ARID5B: variants seen among roughly 807,000 people sequenced by gnomAD.
ARID5B encodes the protein AT-rich interaction domain 5B.
Under a neutral mutation model 97.2 loss-of-function variants are expected in ARID5B, and 13 were observed. The ratio of observed to expected loss-of-function variants is 0.13; its 90% CI spans 0.09 to 0.21. The LOEUF (loss-of-function observed/expected upper bound fraction) is 0.21. ARID5B is among the 10% of genes least tolerant of loss of function. The probability of loss-of-function intolerance (pLI) is 1.00; values close to 1 mark genes in which losing one functional copy is unlikely to be tolerated. For synonymous variants in ARID5B, 556 were observed against 570.3 expected, an observed-to-expected ratio of 0.97 and a Z score of 0.36; for missense variants, 1,210 against 1,465.3, an observed-to-expected ratio of 0.83 and a Z score of 2.84.
chr10:62,077,044 G>A (rs1334559767), intron 8 of ARID5B, among the ~76,000 whole-genome samples: 2 of 151,942 alleles, frequency 1.3e-5, no homozygotes, highest in Non-Finnish European at 2.9e-5. Context: ...GAGTTAGGCT[G>A]ACTGAGGTTG....
chr10:62,027,963 G>T (rs527841643), intron 4 of ARID5B, among the ~76,000 whole-genome samples: 1 of 152,226 alleles, frequency 6.6e-6, no homozygotes, highest in East Asian at 1.9e-4. Context: ...CTTTATGGGA[G>T]GAAGGAGAAA....
At chr10:62,015,609 G>A (rs763246930) in intron 4 of ARID5B, among the ~76,000 whole-genome samples, 6 of 152,042 alleles carry the variant, frequency 3.9e-5, no homozygotes, top group Non-Finnish European at 8.8e-5. Flanking sequence ...TCTGAACGGT[G>A]TGAGGTTTTT....
At chr10:62,064,128 T>C (rs1279529584) in intron 7 of ARID5B, among the ~76,000 whole-genome samples, 1 of 152,244 alleles carries the variant, frequency 6.6e-6, no homozygotes, top group Non-Finnish European at 1.5e-5. Flanking sequence ...CTTTCCTTGC[T>C]GAAAGGATTA....
In ARID5B at chr10:62,062,082, C is replaced by T. The variant is rs1166798819; in HGVS notation, c.1101+2787C>T. ...TAAGCTTCTGAACCTCCTATAAGTA[C>T]AGAATACATTTTTCTCTTGGCATAT... is the stretch of plus-strand genomic sequence containing the variant. On this transcript the variant is annotated intron_variant, in intron 7 of 9. Transcript: ENST00000279873. Among the ~76,000 whole-genome samples, 4 of 152,262 alleles carry T rather than the reference C, an allele frequency of 2.6e-5. No homozygotes were observed. In the East Asian group the frequency reaches 7.7e-4, roughly 29 times the overall value.
intron 3 of ARID5B, among the ~76,000 whole-genome samples, chr10:61,965,170 C>G (rs1269634202): frequency 6.6e-6 from 1 of 152,140 alleles, no homozygotes. Flanking sequence ...TTAGCTGTTA[C>G]AGTCCAAAGG....
At chr10:61,947,075 T>C (rs2132806191) in intron 3 of ARID5B, among the ~76,000 whole-genome samples, 1 of 152,268 alleles carries the variant, frequency 6.6e-6, no homozygotes, top group Non-Finnish European at 1.5e-5. Flanking sequence ...CGTTAAAGAA[T>C]TTTATCATAG....
chr10:61,921,952 C>T (rs1844023047), intron 2 of ARID5B, among the ~76,000 whole-genome samples: 1 of 152,174 alleles, frequency 6.6e-6, no homozygotes, highest in Admixed American at 6.5e-5. Flanking sequence ...AGCGATCCTC[C>T]CACCTCAGCC....
intron 2 of ARID5B, among the ~76,000 whole-genome samples, chr10:61,929,131 A>T (rs1397745244): frequency 6.6e-6 from 1 of 152,152 alleles, no homozygotes; most frequent in Non-Finnish European, 1.5e-5. Flanking sequence ...TTCATTTTTA[A>T]TTTCTATCTT....
At chr10:61,904,444 A>G (rs192161373) in intron 2 of ARID5B, among the ~76,000 whole-genome samples, 1 of 152,328 alleles carries the variant, frequency 6.6e-6, no homozygotes, top group East Asian at 1.9e-4. Flanking sequence ...GTGAATAGAT[A>G]TATTTTTAAA....
At chr10:62,027,145 C>T (rs1344524005) in intron 4 of ARID5B, among the ~76,000 whole-genome samples, 2 of 152,018 alleles carry the variant, frequency 1.3e-5, no homozygotes, top group Non-Finnish European at 2.9e-5. Context: ...CTTTCTTCCT[C>T]CATCTCTCCT....
intron 5 of ARID5B, among the ~76,000 whole-genome samples, chr10:62,054,070 T>C (rs943940841): frequency 2.0e-5 from 3 of 152,192 alleles, no homozygotes. Flanking sequence ...TGGTGGATCA[T>C]TGAAAACGTT....
chr10:61,930,623 G>A (rs1589223507), intron 2 of ARID5B, among the ~76,000 whole-genome samples: 1 of 152,060 alleles, frequency 6.6e-6, no homozygotes, highest in South Asian at 2.1e-4. Context: ...GGGAGGCTGA[G>A]GCAGGAGAAT....
intron 9 of ARID5B, 40 bp downstream of exon 9, chr10:62,085,940 T>C: frequency 6.3e-7 from 1 of 1,586,078 alleles, no homozygotes; most frequent in Non-Finnish European, 8.6e-7. Flanking sequence ...CTGGAAGACA[T>C]GTGCTGCCTC....
intron 2 of ARID5B, among the ~76,000 whole-genome samples, chr10:61,903,839 C>T (rs1353660049): frequency 6.6e-6 from 1 of 151,870 alleles, no homozygotes; most frequent in East Asian, 1.9e-4. Flanking sequence ...GAAACGTTCG[C>T]CCTCGAATCT....
chr10:62,028,866 C>T (rs1258887326), intron 4 of ARID5B, among the ~76,000 whole-genome samples: 1 of 150,334 alleles, frequency 6.7e-6, no homozygotes, highest in Non-Finnish European at 1.5e-5. Flanking sequence ...GAGGCTGAGG[C>T]AGGAGAATCA....
chr10:61,940,132 C>T (rs759600061), intron 2 of ARID5B, 51 bp from the exon 3 acceptor site: 2 of 1,565,738 alleles, frequency 1.3e-6, no homozygotes, highest in African/African-American at 2.7e-5. Flanking sequence ...GGATCATTTC[C>T]CTCAAACCTA....
At chr10:61,921,130 A>T (rs1449184334) in intron 2 of ARID5B, among the ~76,000 whole-genome samples, 1 of 152,246 alleles carries the variant, frequency 6.6e-6, no homozygotes, top group South Asian at 2.1e-4. Flanking sequence ...TTGTCATACA[A>T]TGGTGTGTAA....
chr10:62,010,024 T>C (rs1268849486), intron 4 of ARID5B, among the ~76,000 whole-genome samples: 1 of 152,236 alleles, frequency 6.6e-6, no homozygotes, highest in African/African-American at 2.4e-5. Context: ...ACTCTTTTTC[T>C]TTTCCTAGAA....
At chr10:62,010,619 A>G (rs1026775804) in intron 4 of ARID5B, among the ~76,000 whole-genome samples, 2 of 152,152 alleles carry the variant, frequency 1.3e-5, no homozygotes, top group Admixed American at 1.3e-4. Context: ...TTTTTTCTCA[A>G]TATTTATTTA....
Sources: allele counts gnomAD v4.1 joint callset (sites outside exome capture counted in the v4.1 genomes callset), GRCh38; gene constraint gnomAD v4.1.1; transcripts MANE v1.5; gene names NCBI Gene and HGNC (gene_info 2026-07-23, HGNC 2026-07-21).